DPYSL3: variants seen among roughly 807,000 people sequenced by gnomAD.
The protein encoded by DPYSL3 is dihydropyrimidinase like 3.
Under a neutral mutation model 66.1 loss-of-function variants are expected in DPYSL3, and 16 were observed. That is an observed-to-expected ratio of 0.24 (90% CI 0.16 to 0.37). The LOEUF (loss-of-function observed/expected upper bound fraction) is 0.37. Ranked by LOEUF, DPYSL3 falls within the 10% of genes least tolerant of loss-of-function variation. DPYSL3 has a pLI of 1.00. For synonymous variants in DPYSL3, 338 were observed against 345.1 expected (o/e 0.98, Z 0.23); for missense variants, 738 against 916.2 (o/e 0.81, Z 2.51).
chr5:147,406,274 C>T (rs1425008961), intron 7 of DPYSL3: 11 of 152,366 alleles, frequency 7.2e-5, no homozygotes, highest in African/African-American at 2.7e-4. Flanking sequence ...TCTCTCCCAT[C>T]TTACCCTAAT....
At chr5:147,449,139 C>T (rs746273032) in intron 1 of DPYSL3, among the ~76,000 whole-genome samples, 3 of 118,314 alleles carry the variant, frequency 2.5e-5, no homozygotes, top group African/African-American at 6.4e-5. Context: ...ATCCAAAGGT[C>T]GGATTGCATT....
intron 1 of DPYSL3, among the ~76,000 whole-genome samples, chr5:147,465,306 C>T (rs1171116848): frequency 6.6e-6 from 1 of 152,124 alleles, no homozygotes; most frequent in Non-Finnish European, 1.5e-5. Flanking sequence ...CTACCCAGGT[C>T]TCTCTTTTTT....
chr5:147,431,803 C>T (rs1220614484), intron 1 of DPYSL3, among the ~76,000 whole-genome samples: 1 of 152,108 alleles, frequency 6.6e-6, no homozygotes, highest in Admixed American at 6.6e-5. Flanking sequence ...CCCTCCAGGT[C>T]ATTTTTCCTC....
At chr5:147,438,297 G>A (rs1186244063) in intron 1 of DPYSL3, among the ~76,000 whole-genome samples, 1 of 152,212 alleles carries the variant, frequency 6.6e-6, no homozygotes, top group Non-Finnish European at 1.5e-5. Flanking sequence ...AGATAAAACT[G>A]CAGATGCTCT....
intron 2 of DPYSL3, among the ~76,000 whole-genome samples, chr5:147,421,955 A>T (rs1249220045): frequency 6.6e-6 from 1 of 152,240 alleles, no homozygotes; most frequent in Non-Finnish European, 1.5e-5. Context: ...ATGGGCAAAG[A>T]CTTCATGACT....
chr5:147,495,812 G>C (rs1288418993), intron 1 of DPYSL3, among the ~76,000 whole-genome samples: 1 of 152,134 alleles, frequency 6.6e-6, no homozygotes, highest in Non-Finnish European at 1.5e-5. Flanking sequence ...TTGTGAAAAT[G>C]GCCATACTGC....
intron 1 of DPYSL3, among the ~76,000 whole-genome samples, chr5:147,466,558 A>G (rs1001352406): frequency 6.6e-6 from 1 of 152,206 alleles, no homozygotes; most frequent in South Asian, 2.1e-4. Flanking sequence ...AGTTAAGTGC[A>G]GTCAATTTCA....
At chr5:147,407,533 A>G (rs77396737) in intron 7 of DPYSL3, among the ~76,000 whole-genome samples, 3,518 of 152,272 alleles carry the variant, frequency 0.023, 132 homozygotes, top group African/African-American at 0.08. Context: ...TGGTCTCTTC[A>G]CGATGAGTAA....
At chr5:147,405,270 C>G (rs1215567874) in intron 8 of DPYSL3, among the ~76,000 whole-genome samples, 1 of 152,112 alleles carries the variant, frequency 6.6e-6, no homozygotes, top group African/African-American at 2.4e-5. Context: ...ATTTTGCACC[C>G]AATTTAATCC....
chr5:147,436,933 G>A (rs1309333425), intron 1 of DPYSL3, among the ~76,000 whole-genome samples: 1 of 152,336 alleles, frequency 6.6e-6, no homozygotes, highest in African/African-American at 2.4e-5. Flanking sequence ...CAACCATACA[G>A]CAATGTAGCA....
chr5:147,506,679 T>G (rs999169029), intron 1 of DPYSL3, among the ~76,000 whole-genome samples: 19 of 152,092 alleles, frequency 1.2e-4, no homozygotes, highest in African/African-American at 4.6e-4. Flanking sequence ...GCATTAAAAT[T>G]GAAGAGTAAT....
chr5:147,493,657 T>C (rs536008826), intron 1 of DPYSL3, among the ~76,000 whole-genome samples: 3 of 151,894 alleles, frequency 2.0e-5, no homozygotes, highest in South Asian at 2.1e-4. Flanking sequence ...ATTAATAAGA[T>C]TAATAAAGAC....
chr5:147,393,805 A>G lies in DPYSL3; in HGVS notation c.*230T>C. On this transcript the variant is annotated 3_prime_UTR_variant, in exon 14 of 14. Transcript: ENST00000343218. ...GGCCTGTCTGATTGCATGCATGTAA[A>G]TGGGGGGAGGGGAGTCAAACAAATC... The G allele has an allele frequency of 1.8e-6, 1 of 547,854 alleles. No individual in the cohort carries two copies. Among genetic ancestry groups the G allele is most frequent in the Non-Finnish European group, 3.3e-6 (1 of 305,652 alleles). The allele number at this position is 547,854 out of a possible 1,614,324, so 33.9% of individuals were successfully genotyped here. A position where few individuals can be genotyped will look rare whatever the true frequency, so the allele number is the denominator to read the frequency against.
intron 2 of DPYSL3, among the ~76,000 whole-genome samples, chr5:147,424,551 T>C (rs1371583913): frequency 6.6e-6 from 1 of 152,182 alleles, no homozygotes; most frequent in Non-Finnish European, 1.5e-5. Context: ...TCTAAATAAA[T>C]TTCTTCTTCT....
chr5:147,445,216 A>T (rs1752609220), intron 1 of DPYSL3, among the ~76,000 whole-genome samples: 1 of 152,222 alleles, frequency 6.6e-6, no homozygotes, highest in African/African-American at 2.4e-5. Context: ...GAAGAAAAAG[A>T]GGACTGGAGG....
intron 1 of DPYSL3, among the ~76,000 whole-genome samples, chr5:147,453,325 C>T (rs1441256296): frequency 6.6e-6 from 1 of 152,216 alleles, no homozygotes; most frequent in South Asian, 2.1e-4. Context: ...CTCCGTGCCA[C>T]TGTTTGGGTT....
chr5:147,467,864 G>A (rs1405084600), intron 1 of DPYSL3, among the ~76,000 whole-genome samples: 2 of 152,196 alleles, frequency 1.3e-5, no homozygotes, highest in African/African-American at 4.8e-5. Context: ...AGCAGATTCT[G>A]TGTCTGGTGA....
At chr5:147,474,283 C>T (rs1753124802) in intron 1 of DPYSL3, among the ~76,000 whole-genome samples, 2 of 152,058 alleles carry the variant, frequency 1.3e-5, no homozygotes, top group Admixed American at 1.3e-4. Context: ...TATTAATACA[C>T]ATAGTTCACT....
intron 1 of DPYSL3, among the ~76,000 whole-genome samples, chr5:147,431,313 A>C (rs1752310840): frequency 1.3e-5 from 2 of 152,134 alleles, no homozygotes; most frequent in African/African-American, 4.8e-5. Context: ...TCTGTTATTA[A>C]ATATGTTGCC....
Sources: allele counts gnomAD v4.1 joint callset (sites outside exome capture counted in the v4.1 genomes callset), GRCh38; gene constraint gnomAD v4.1.1; transcripts MANE v1.5; gene names NCBI Gene and HGNC (gene_info 2026-07-23, HGNC 2026-07-21).